The following SHLD2 variants were observed in gnomAD, a reference collection of about 807,000 sequenced individuals.
SHLD2 encodes the protein shieldin complex subunit 2.
SHLD2 carries 30 observed loss-of-function variants against 73.2 expected under a neutral mutation model. The observed-to-expected ratio is 0.41, with a 90% CI of 0.31 to 0.56. The LOEUF is 0.56. Ranked by LOEUF, SHLD2 falls within the 20% of genes least tolerant of loss-of-function variation. SHLD2 has a pLI of 0.28. For synonymous variants in SHLD2, 285 were observed against 370.1 expected, an observed-to-expected ratio of 0.77 and a Z score of 2.64; for missense variants, 745 against 1,055.9, an observed-to-expected ratio of 0.71 and a Z score of 4.08.
chr10:87,168,762 A>G (rs1322280024), intron 4 of SHLD2, among the ~76,000 whole-genome samples: 2 of 152,116 alleles, frequency 1.3e-5, no homozygotes, highest in East Asian at 1.9e-4. Context: ...GGTGGCAACA[A>G]TACACACTGG....
chr10:87,163,673 G>A (rs1246085409), intron 4 of SHLD2, among the ~76,000 whole-genome samples: 8 of 150,540 alleles, frequency 5.3e-5, no homozygotes, highest in Admixed American at 2.0e-4. Flanking sequence ...TACATAGATT[G>A]TAGATAAGGA....
At chr10:87,165,418 GTGAT>G (rs1372626337) in intron 4 of SHLD2, among the ~76,000 whole-genome samples, 1 of 152,134 alleles carries the variant, frequency 6.6e-6, no homozygotes, top group Non-Finnish European at 1.5e-5. Flanking sequence ...AGTTAACTGA[GTGAT>G]TGGGATAAAT....
At position 87,151,723 on chromosome 10, in the gene SHLD2, T is replaced by C; in HGVS notation, c.369T>C (p.Cys123=). The C allele has an allele frequency of 6.2e-7, 1 of 1,611,952 alleles. No homozygotes were observed. The highest frequency in any genetic ancestry group is 8.5e-7 in the Non-Finnish European group (1 of 1,179,828). Residue 123 remains cysteine (C), a synonymous_variant, in exon 3 of 10, where the codon TGT becomes TGC. Transcript: ENST00000298786. ...TAACTAGCTCTAATATGCAAATATG[T>C]GGATTTAAAAGCACAGTTCCGCATT... The part of the protein sequence containing the change: ...SDITSSNMQI[C]GFKSTVPHFT...
At chr10:87,110,808 C>T (rs1842872670) in intron 2 of SHLD2, among the ~76,000 whole-genome samples, 1 of 151,724 alleles carries the variant, frequency 6.6e-6, no homozygotes, top group Non-Finnish European at 1.5e-5. Flanking sequence ...TCCAAAAGTG[C>T]AAAAGAACAA....
At chr10:87,112,005 A>G (rs1322972823) in intron 2 of SHLD2, among the ~76,000 whole-genome samples, 2 of 151,824 alleles carry the variant, frequency 1.3e-5, no homozygotes, top group Admixed American at 6.6e-5. Flanking sequence ...TGGGAGGCCA[A>G]GGTGGGCGGA....
intron 6 of SHLD2, among the ~76,000 whole-genome samples, chr10:87,175,460 C>T (rs1157304470): frequency 4.6e-5 from 7 of 151,544 alleles, no homozygotes; most frequent in African/African-American, 7.3e-5. Flanking sequence ...CCGAGGTGGG[C>T]GGATCATGAG....
chr10:87,183,009 G>A (rs1589668941), intron 8 of SHLD2, among the ~76,000 whole-genome samples: 1 of 152,336 alleles, frequency 6.6e-6, no homozygotes, highest in Admixed American at 6.5e-5. Flanking sequence ...TCAGAAGTGA[G>A]TTAGCTGTGC....
At position 87,145,163 on chromosome 10, in the gene SHLD2, G is replaced by T. The variant is rs538927183; in HGVS notation, c.-5-6187G>T. On this transcript the variant is annotated intron_variant, in intron 2 of 9. Coordinates refer to ENST00000298786, the MANE Select transcript of SHLD2 (RefSeq NM_001330112.2). ...TCACCGTGTTAGTCAGGATGGTCTC[G>T]ATCTCCTGACCTCGTGATCCGCCCT... Among the ~76,000 whole-genome samples, 3 of 152,062 alleles carry T rather than the reference G, an allele frequency of 2.0e-5. No homozygotes were observed. In the East Asian group the frequency reaches 5.8e-4, roughly 29 times the overall value.
intron 2 of SHLD2, among the ~76,000 whole-genome samples, chr10:87,127,522 C>T (rs1844091754): frequency 1.0e-4 from 7 of 66,974 alleles, no homozygotes; most frequent in African/African-American, 2.2e-4. Flanking sequence ...TTTTGTCCCT[C>T]TTACCCGCCC....
chr10:87,161,771 C>A (rs1846834371), intron 4 of SHLD2, among the ~76,000 whole-genome samples: 1 of 152,096 alleles, frequency 6.6e-6, no homozygotes, highest in Non-Finnish European at 1.5e-5. Context: ...TACTAAAGCT[C>A]ATAGGGGAAA....
chr10:87,094,592 G>A (rs753567322), upstream of SHLD2: 3 of 1,611,122 alleles, frequency 1.9e-6, no homozygotes, highest in African/African-American at 1.3e-5. The surrounding 1 kb of genome is among the most constrained non-coding windows in gnomAD (Gnocchi z 6.6). Context: ...TCGTCCTCGC[G>A]GTCGGCCACC....
At position 87,143,961 on chromosome 10, in the gene SHLD2, T is replaced by C. The variant is rs1307140073; in HGVS notation, c.-5-7389T>C. ...TCACTGCAACCTCCACCTCCTGGGTTCAAGCGATTCTCCTGCCTCAGCCTC... is the reference window on the plus strand; with the variant it reads ...TCACTGCAACCTCCACCTCCTGGGTCCAAGCGATTCTCCTGCCTCAGCCTC... On this transcript the variant is annotated intron_variant, in intron 2 of 9. Transcript: ENST00000298786. Among the ~76,000 whole-genome samples, 7 of 151,704 alleles carry C rather than the reference T, an allele frequency of 4.6e-5. No homozygotes were observed. In the East Asian group the frequency reaches 1.4e-3, roughly 29 times the overall value.
chr10:87,095,864 G>C (rs930510249), intron 1 of SHLD2, among the ~76,000 whole-genome samples: 1 of 152,090 alleles, frequency 6.6e-6, no homozygotes, highest in Non-Finnish European at 1.5e-5. Context: ...CCAGGAGTTC[G>C]AGGCTGCAGT....
intron 2 of SHLD2, among the ~76,000 whole-genome samples, chr10:87,111,192 C>T (rs535866180): frequency 1.3e-5 from 2 of 150,804 alleles, no homozygotes; most frequent in South Asian, 2.1e-4. Context: ...GACAGGGTCT[C>T]ATCATGTTGC....
intron 2 of SHLD2, among the ~76,000 whole-genome samples, chr10:87,146,397 G>T (rs554991732): frequency 6.6e-6 from 1 of 151,974 alleles, no homozygotes; most frequent in Non-Finnish European, 1.5e-5. Flanking sequence ...GGGTTCAAGC[G>T]ATTCTCCTGC....
At chr10:87,133,629 T>C (rs1179645054) in intron 2 of SHLD2, among the ~76,000 whole-genome samples, 3 of 152,346 alleles carry the variant, frequency 2.0e-5, no homozygotes, top group East Asian at 3.8e-4. Flanking sequence ...GCTTAGAACC[T>C]GGGTTGATAG....
chr10:87,159,414 G>GTAC (rs1408889449), intron 4 of SHLD2, among the ~76,000 whole-genome samples: 2 of 152,120 alleles, frequency 1.3e-5, no homozygotes, highest in African/African-American at 2.4e-5. Flanking sequence ...TACACTGGGG[G>GTAC]TACAATGGTG....
At chr10:87,131,984 C>G (rs547297888) in intron 2 of SHLD2, among the ~76,000 whole-genome samples, 5 of 152,188 alleles carry the variant, frequency 3.3e-5, no homozygotes, top group African/African-American at 7.2e-5. Context: ...AGCCTTTTTT[C>G]ATGTGCTTGT....
At position 87,180,166 on chromosome 10, in the gene SHLD2, G is replaced by A; in HGVS notation, c.2262G>A (p.Lys754=). Residue 754 remains lysine, a synonymous_variant, in exon 8 of 10, where the codon AAG becomes AAA. Transcript: ENST00000298786. ...CGCTAAATGCTCACAGTTCTCTGAA[G>A]AGTATTTTTTCTTCTCTTCCCAACA... ...KIALNAHSSL[K]SIFSSLPNIV... The A allele has an allele frequency of 6.2e-7, 1 of 1,613,856 alleles. No homozygotes were observed. Among genetic ancestry groups the A allele is most frequent in the Non-Finnish European group, 8.5e-7 (1 of 1,179,818 alleles).
Sources: allele counts gnomAD v4.1 joint callset (sites outside exome capture counted in the v4.1 genomes callset), GRCh38; gene constraint gnomAD v4.1.1; non-coding constraint Gnocchi (gnomAD v3.1); transcripts MANE v1.5; gene names NCBI Gene and HGNC (gene_info 2026-07-23, HGNC 2026-07-21).